BANK1: variants seen among roughly 807,000 people sequenced by gnomAD.
BANK1 encodes the protein B-cell scaffold protein with ankyrin repeats.
Under a neutral mutation model 94.5 loss-of-function variants are expected in BANK1, and 95 were observed. The ratio of observed to expected loss-of-function variants is 1.00; its 90% CI spans 0.85 to 1.19. The LOEUF is 1.19. Among genes scored for constraint, BANK1 ranks in the 50% most tolerant of loss-of-function variants. The probability of loss-of-function intolerance (pLI) is 0.00; values close to 1 mark genes in which losing one functional copy is unlikely to be tolerated. For synonymous variants in BANK1, 334 were observed against 308.4 expected, an observed-to-expected ratio of 1.08 and a Z score of -0.87; for missense variants, 987 against 932.2, an observed-to-expected ratio of 1.06 and a Z score of -0.77.
At chr4:101,989,220 G>A (rs1294146736) in intron 7 of BANK1, among the ~76,000 whole-genome samples, 3 of 151,766 alleles carry the variant, frequency 2.0e-5, no homozygotes, top group East Asian at 1.9e-4. Context: ...CGAGGCGGGC[G>A]GATGACAAGG....
intron 7 of BANK1, among the ~76,000 whole-genome samples, chr4:101,933,968 A>G (rs1218229132): frequency 4.0e-5 from 6 of 151,504 alleles, no homozygotes; most frequent in Non-Finnish European, 8.9e-5. Flanking sequence ...GCTGCCAAAC[A>G]GACAAACAAA....
intron 7 of BANK1, among the ~76,000 whole-genome samples, chr4:101,923,433 AC>A (rs1723064166): frequency 6.6e-6 from 1 of 151,784 alleles, no homozygotes; most frequent in South Asian, 2.1e-4. Flanking sequence ...TAAATAATCA[AC>A]CATGTATCAG....
At chr4:102,023,379 T>C (rs1726978823) in intron 8 of BANK1, among the ~76,000 whole-genome samples, 1 of 152,228 alleles carries the variant, frequency 6.6e-6, no homozygotes, top group Non-Finnish European at 1.5e-5. Flanking sequence ...AAAGTGATTA[T>C]AAAGGCCATG....
At chr4:101,943,845 G>A (rs1723833810) in intron 7 of BANK1, among the ~76,000 whole-genome samples, 2 of 151,834 alleles carry the variant, frequency 1.3e-5, no homozygotes, top group African/African-American at 4.8e-5. Context: ...CCGATTTTCT[G>A]GATTTGAATA....
chr4:101,941,816 T>C (rs1342011898), intron 7 of BANK1, among the ~76,000 whole-genome samples: 1 of 151,840 alleles, frequency 6.6e-6, no homozygotes, highest in African/African-American at 2.4e-5. Flanking sequence ...TTTTTCATTT[T>C]GACAATTGAG....
At chr4:101,901,676 G>A (rs1213013488) in intron 6 of BANK1, among the ~76,000 whole-genome samples, 5 of 152,122 alleles carry the variant, frequency 3.3e-5, no homozygotes, top group Admixed American at 2.0e-4. Flanking sequence ...GAGAACACCA[G>A]CATTAAGAGG....
chr4:101,888,213 C>T, intron 5 of BANK1, among the ~76,000 whole-genome samples: 1 of 152,202 alleles, frequency 6.6e-6, no homozygotes, highest in Non-Finnish European at 1.5e-5. Flanking sequence ...CTTGGCCTAC[C>T]TCCATTTATG....
intron 7 of BANK1, among the ~76,000 whole-genome samples, chr4:102,005,826 G>C (rs1253089712): frequency 6.6e-6 from 1 of 151,940 alleles, no homozygotes; most frequent in Non-Finnish European, 1.5e-5. Flanking sequence ...TTAAGTGTTT[G>C]CACAATGTCA....
chr4:101,853,212 A>G (rs1727556220), intron 2 of BANK1, among the ~76,000 whole-genome samples: 2 of 152,246 alleles, frequency 1.3e-5, no homozygotes, highest in South Asian at 4.1e-4. Flanking sequence ...TAGTTCTGCA[A>G]CTTTCATAAG....
chr4:102,006,185 GAGAA>G (rs1358065082), intron 7 of BANK1, among the ~76,000 whole-genome samples: 1 of 151,988 alleles, frequency 6.6e-6, no homozygotes, highest in Non-Finnish European at 1.5e-5. Flanking sequence ...AACTAGTTCT[GAGAA>G]AGATTAAATA....
At chr4:101,909,657 T>A (rs1451414971) in intron 6 of BANK1, among the ~76,000 whole-genome samples, 4 of 152,226 alleles carry the variant, frequency 2.6e-5, no homozygotes, top group African/African-American at 9.6e-5. Flanking sequence ...AGGGCCATTA[T>A]GAACATGTTA....
At chr4:101,794,392 G>C (rs7690997) in intron 1 of BANK1, among the ~76,000 whole-genome samples, 94,290 of 151,904 alleles carry the variant, frequency 0.62, 30,037 homozygotes, top group African/African-American at 0.77. Flanking sequence ...AAAAATAAAT[G>C]ACATGTTTTA....
At chr4:101,992,896 C>G (rs1372517855) in intron 7 of BANK1, among the ~76,000 whole-genome samples, 1 of 152,180 alleles carries the variant, frequency 6.6e-6, no homozygotes, top group Non-Finnish European at 1.5e-5. Context: ...AACCAACTAT[C>G]TCTGTCGCCC....
intron 7 of BANK1, among the ~76,000 whole-genome samples, chr4:101,948,544 T>C (rs1358018822): frequency 1.3e-5 from 2 of 152,160 alleles, no homozygotes; most frequent in East Asian, 3.9e-4. Context: ...TTTAGGAAAC[T>C]CAGTCTCTGT....
At chr4:101,928,391 G>A (rs1190362794) in intron 7 of BANK1, among the ~76,000 whole-genome samples, 1 of 151,522 alleles carries the variant, frequency 6.6e-6, no homozygotes, top group South Asian at 2.1e-4. Context: ...AGTGTCTTGT[G>A]GAGAAAGTGA....
At chr4:101,964,603 A>G (rs1724683220) in intron 7 of BANK1, among the ~76,000 whole-genome samples, 1 of 152,048 alleles carries the variant, frequency 6.6e-6, no homozygotes, top group Non-Finnish European at 1.5e-5. Context: ...AAATCCATTT[A>G]TATTAAAAGC....
chr4:101,972,544 T>C (rs1724991747), intron 7 of BANK1: 1 of 152,108 alleles, frequency 6.6e-6, no homozygotes, highest in African/African-American at 2.4e-5. Context: ...TTATTGTCTT[T>C]GCATTCTTAG....
At chr4:101,874,555 A>G (rs1728415774) in intron 5 of BANK1, among the ~76,000 whole-genome samples, 1 of 152,206 alleles carries the variant, frequency 6.6e-6, no homozygotes. Flanking sequence ...TTTACCATAC[A>G]TCAGTGTTAT....
intron 7 of BANK1, among the ~76,000 whole-genome samples, chr4:101,927,948 A>G (rs559135025): frequency 6.6e-6 from 1 of 151,774 alleles, no homozygotes; most frequent in South Asian, 2.1e-4. Flanking sequence ...AAGTAAAAGA[A>G]AGATTTTCAC....
Sources: gnomAD v4.1 joint callset for allele counts (sites outside exome capture counted in the v4.1 genomes callset) on GRCh38, gnomAD v4.1.1 for gene constraint, MANE v1.5 for transcripts, NCBI Gene and HGNC (gene_info 2026-07-23, HGNC 2026-07-21) for gene names.